Variants in SHROOM2 observed in about 807,000 individuals in gnomAD.
SHROOM2 encodes protein Shroom2.
SHROOM2 carries 33 observed loss-of-function variants against 75.9 expected under a neutral mutation model. That is an observed-to-expected ratio of 0.43 (90% CI 0.33 to 0.58). SHROOM2 has a LOEUF of 0.58. Among genes scored for constraint, SHROOM2 ranks in the 20% least tolerant of loss-of-function variants. The pLI, the probability that SHROOM2 is intolerant of heterozygous loss-of-function variation, is 0.04. For missense variants in SHROOM2, 1,434 were observed against 1,461.2 expected (o/e 0.98, Z 0.30); for synonymous variants, 655 against 663.6 (o/e 0.99, Z 0.20).
Position 9,932,549 on chromosome X carries a change from T to A in SHROOM2, c.3266T>A (p.Val1089Asp). The A allele has an allele frequency of 8.3e-7, 1 of 1,211,099 alleles. No individual in the cohort carries two copies. The highest frequency in any genetic ancestry group is 1.7e-5 in the African/African-American group (1 of 57,791). ...GCACCTGCTGACGCCCCCGTGGGCGTCCTCGGCAGGCCCTTCCCAACGCCA... is the reference window on the plus strand; with the variant it reads ...GCACCTGCTGACGCCCCCGTGGGCGACCTCGGCAGGCCCTTCCCAACGCCA... ...DGAPADAPVGVLGRPFPTPSP... is the reference protein window; with the variant it reads ...DGAPADAPVGDLGRPFPTPSP... Residue 1089 changes from valine to aspartate, a missense_variant, in exon 6 of 10, where the codon GTC becomes GAC. Val to Asp is a radical substitution (Grantham distance 152). Coordinates refer to ENST00000380913, the MANE Select transcript of SHROOM2 (RefSeq NM_001649.4).
intron 1 of SHROOM2, among the ~76,000 whole-genome samples, chrX:9,869,799 A>G (rs967329309): frequency 3.6e-5 from 4 of 112,560 alleles, no homozygotes; most frequent in African/African-American, 1.3e-4. Context: ...TGTCCTTTGA[A>G]ATTTATTTTT....
chrX:9,813,757 G>A (rs1445118949), intron 1 of SHROOM2, among the ~76,000 whole-genome samples: 5 of 111,578 alleles, frequency 4.5e-5, no homozygotes, highest in African/African-American at 1.3e-4. Context: ...GCTTCCTATC[G>A]ATTTCCCTTC....
intron 1 of SHROOM2, among the ~76,000 whole-genome samples, chrX:9,852,382 T>C (rs1372703042): frequency 3.5e-5 from 4 of 112,797 alleles, no homozygotes; most frequent in African/African-American, 1.3e-4. Flanking sequence ...GCAGGCGTTT[T>C]CCAGCTGGGA....
rs2084839259 is a variant in SHROOM2, at chrX:9,948,186, G to T, written c.*1249G>T. The T allele has an allele frequency of 8.9e-6, 1 of 112,368 alleles. No individual in the cohort carries two copies. The highest frequency in any genetic ancestry group is 3.2e-5 in the African/African-American group (1 of 30,939). The allele number at this position is 112,368 out of a possible 1,213,427, so 9.3% of individuals were successfully genotyped here. Reference sequence around the variant, plus strand: ...CAGCCCAAGTGAAAAGCAGGCAAAAGACTTGAATAGACACTTCACCAAAGA... The same window carrying T: ...CAGCCCAAGTGAAAAGCAGGCAAAATACTTGAATAGACACTTCACCAAAGA... On this transcript the variant is annotated 3_prime_UTR_variant, in exon 10 of 10. Transcript: ENST00000380913.
intron 5 of SHROOM2, among the ~76,000 whole-genome samples, chrX:9,913,766 C>G (rs762342511): frequency 1.8e-5 from 2 of 112,022 alleles, no homozygotes; most frequent in African/African-American, 6.5e-5. Context: ...TACGAGTAAA[C>G]AGCCTACTGC....
chrX:9,810,152 A>G (rs2083784495), intron 1 of SHROOM2, among the ~76,000 whole-genome samples: 1 of 112,214 alleles, frequency 8.9e-6, no homozygotes, highest in South Asian at 3.7e-4. Flanking sequence ...TGTAGCTGGT[A>G]CTGATGACTA....
At chrX:9,877,614 T>C (rs1369826488) in intron 2 of SHROOM2, among the ~76,000 whole-genome samples, 5 of 111,941 alleles carry the variant, frequency 4.5e-5, no homozygotes, top group African/African-American at 1.3e-4. Flanking sequence ...TGGAGAGTCC[T>C]GGGCAGGTCT....
rs150485730 is a variant in SHROOM2 at position 9,871,373 on chromosome X, T to C, written c.166-2279T>C. On this transcript the variant is annotated intron_variant, in intron 1 of 9. Transcript: ENST00000380913. ...GAGGCACAGCCCTGGAAGAAGCCTT[T>C]CCTCTGTGAAGAAACCTGGGGGGAG... Among the ~76,000 whole-genome samples, 1,074 of 111,699 alleles carry C rather than the reference T, an allele frequency of 9.6e-3. 10 individuals carry two copies. The highest frequency in any genetic ancestry group is 0.033 in the African/African-American group (1,017 of 30,740).
At chrX:9,914,642 CAT>C (rs1300915563) in intron 5 of SHROOM2, among the ~76,000 whole-genome samples, 1 of 111,541 alleles carries the variant, frequency 9.0e-6, no homozygotes, top group Admixed American at 9.6e-5. Context: ...ACCTTTAAAA[CAT>C]ATTTGCCGAC....
intron 1 of SHROOM2, among the ~76,000 whole-genome samples, chrX:9,854,467 G>A (rs6654733): frequency 8.9e-6 from 1 of 111,984 alleles, no homozygotes; most frequent in African/African-American, 3.2e-5. Flanking sequence ...CCTGCTGAAG[G>A]CACCTGGATG....
At position 9,895,888 on chromosome X, in the gene SHROOM2, C is replaced by T. The variant is rs1183609477; in HGVS notation, c.1980C>T (p.Thr660=). ...CAGCAGGGGAGGCGGAGGATGGCAC[C>T]GGCCGCTGGAGGGCCGGGTTGGGAG... ...LTAAGEAEDG[T]GRWRAGLGGG... The change falls in exon 4 of 10, where the codon ACC becomes ACT. Residue 660 remains threonine (T), a synonymous_variant. Transcript: ENST00000380913. 4.2e-6 allele frequency: 5 copies of T among 1,199,173 alleles called. No individual in the cohort carries two copies. Among genetic ancestry groups the T allele is most frequent in the East Asian group, 3.0e-5 (1 of 33,523 alleles).
intron 5 of SHROOM2, among the ~76,000 whole-genome samples, chrX:9,914,562 C>T (rs1227407121): frequency 9.0e-6 from 1 of 110,798 alleles, no homozygotes; most frequent in Non-Finnish European, 1.9e-5. Flanking sequence ...GTAAGACAGT[C>T]GGGTCATTTC....
chrX:9,859,646 G>C (rs762006158), intron 1 of SHROOM2, among the ~76,000 whole-genome samples: 1 of 111,593 alleles, frequency 9.0e-6, no homozygotes, highest in Non-Finnish European at 1.9e-5. Context: ...TTTCCAGAGG[G>C]GACCCAGTAA....
rs2084415052 is a variant in SHROOM2 at position 9,910,221 on chromosome X, C to A, written c.2891+11931C>A. On this transcript the variant is annotated intron_variant, in intron 5 of 9. Coordinates refer to ENST00000380913, the MANE Select transcript of SHROOM2 (RefSeq NM_001649.4). Reference sequence around the variant, plus strand: ...ATGAGGTTCAAAGACAGAAGGAGAACATTGATTAAACAGAAAATTTGAATA... The same window carrying A: ...ATGAGGTTCAAAGACAGAAGGAGAAAATTGATTAAACAGAAAATTTGAATA... 1.8e-5 allele frequency among the ~76,000 whole-genome samples: 2 copies of A among 110,666 alleles called. 1 individual carries two copies. The highest frequency in any genetic ancestry group is 7.7e-4 in the South Asian group (2 of 2,611).
rs142361770 is a variant in SHROOM2 at position 9,860,191 on chromosome X, C to A, written c.166-13461C>A. Among the ~76,000 whole-genome samples, 935 of 111,710 alleles carry A rather than the reference C, an allele frequency of 8.4e-3. 12 individuals are homozygous for A. Among genetic ancestry groups the A allele is most frequent in the East Asian group, 0.047 (167 of 3,529 alleles). On this transcript the variant is annotated intron_variant, in intron 1 of 9. Transcript: ENST00000380913. ...GGATGCTGCTGAGTCCCCTGCAATA[C>A]CCAGGGCAGCCCTCACGGCAAAGAA... is the stretch of plus-strand genomic sequence containing the variant.
At chrX:9,839,176 G>A (rs1398682789) in intron 1 of SHROOM2, among the ~76,000 whole-genome samples, 1 of 111,530 alleles carries the variant, frequency 9.0e-6, no homozygotes, top group Admixed American at 9.5e-5. Flanking sequence ...TGTCACTTCC[G>A]AATTGGTGTG....
At chrX:9,818,250 T>C (rs778077614) in intron 1 of SHROOM2, 48 of 209,651 alleles carry the variant, frequency 2.3e-4, no homozygotes, top group Middle Eastern at 1.8e-3. Flanking sequence ...ATGGCATCAA[T>C]ATCAATGTCA....
chrX:9,830,266 CT>C (rs769151426), intron 1 of SHROOM2, among the ~76,000 whole-genome samples: 2 of 112,041 alleles, frequency 1.8e-5, no homozygotes, highest in South Asian at 7.3e-4. Flanking sequence ...CCCTCTGCCC[CT>C]GGTAGCCTCT....
intron 1 of SHROOM2, among the ~76,000 whole-genome samples, chrX:9,837,584 A>T (rs1186212233): frequency 2.7e-5 from 3 of 112,412 alleles, no homozygotes; most frequent in Admixed American, 9.4e-5. Flanking sequence ...GGGGAGGCTC[A>T]CAGGAGAGTG....
Sources: gnomAD v4.1 joint callset for allele counts (sites outside exome capture counted in the v4.1 genomes callset) on GRCh38, gnomAD v4.1.1 for gene constraint, MANE v1.5 for transcripts, NCBI Gene and HGNC (gene_info 2026-07-23, HGNC 2026-07-21) for gene names.